YEATS4: variants seen among roughly 807,000 people sequenced by gnomAD.
YEATS4 encodes YEATS domain containing 4.
A neutral mutation model predicts 30.1 loss-of-function variants in YEATS4; 17 were observed. The ratio of observed to expected loss-of-function variants is 0.56; its 90% CI spans 0.39 to 0.85. The LOEUF is 0.85. Ranked by LOEUF, YEATS4 falls within the 40% of genes least tolerant of loss-of-function variation. The pLI, the probability that YEATS4 is intolerant of heterozygous loss-of-function variation, is 0.00. For synonymous variants in YEATS4, 85 were observed against 87.5 expected (o/e 0.97, Z 0.16); for missense variants, 142 against 268.3 (o/e 0.53, Z 3.29).
chr12:69,412,857 G>A, the YEATS4 span, among the ~76,000 whole-genome samples: 1 of 152,088 alleles, frequency 6.6e-6, no homozygotes, highest in Non-Finnish European at 1.5e-5. Context: ...GGGCCACCTG[G>A]AGGAGGTGAC....
intron 6 of YEATS4, among the ~76,000 whole-genome samples, chr12:69,371,480 T>C (rs1875636288): frequency 6.6e-6 from 1 of 152,266 alleles, no homozygotes. Flanking sequence ...TGACATGGTC[T>C]CAGAATTCTG....
chr12:69,389,256 C>T (rs1198699278), intron 6 of YEATS4, among the ~76,000 whole-genome samples: 3 of 151,878 alleles, frequency 2.0e-5, no homozygotes, highest in Non-Finnish European at 4.4e-5. Context: ...TCGCAGTCAG[C>T]CTGGGCAACA....
chr12:69,364,764 C>T (rs774562413), intron 2 of YEATS4, among the ~76,000 whole-genome samples: 3 of 151,982 alleles, frequency 2.0e-5, no homozygotes, highest in East Asian at 1.9e-4. Context: ...GGATTACAGG[C>T]GCCGCCACCA....
chr12:69,380,817 G>T (rs1876045941), intron 6 of YEATS4, among the ~76,000 whole-genome samples: 1 of 152,142 alleles, frequency 6.6e-6, no homozygotes, highest in Non-Finnish European at 1.5e-5. Flanking sequence ...GTGTCCAGGG[G>T]AGACATCACA....
At position 69,390,854 on chromosome 12, in the gene YEATS4, CAGTTA is replaced by C. The variant is rs1452643052; in HGVS notation, c.*540_*544del. 1 of 152,224 alleles carries C rather than the reference CAGTTA, an allele frequency of 6.6e-6. No individual in the cohort carries two copies. Among genetic ancestry groups the C allele is most frequent in the East Asian group, 1.9e-4 (1 of 5,202 alleles). The allele number at this position is 152,224 out of a possible 1,614,324, so 9.4% of individuals were successfully genotyped here. A position where few individuals can be genotyped will look rare whatever the true frequency, so the allele number is the denominator to read the frequency against. On this transcript the variant is annotated 3_prime_UTR_variant, in exon 7 of 7. Transcript: ENST00000247843. ...AAGACTTTCTGGAACTCCCTCAATACAGTTAAAGTATCTTTATAGTATTGTGACAT... is the reference window on the plus strand; with the variant it reads ...AAGACTTTCTGGAACTCCCTCAATACAAGTATCTTTATAGTATTGTGACAT...
intron 6 of YEATS4, among the ~76,000 whole-genome samples, chr12:69,382,467 G>A (rs893591785): frequency 1.6e-3 from 88 of 54,756 alleles, no homozygotes; most frequent in Non-Finnish European, 1.9e-3. Context: ...TTCTTTCCCT[G>A]TGTCCACCAC....
chr12:69,371,449 T>G (rs149078699), intron 6 of YEATS4, among the ~76,000 whole-genome samples: 83 of 152,364 alleles, frequency 5.4e-4, no homozygotes, highest in Non-Finnish European at 9.6e-4. Context: ...TAATCGGTCA[T>G]GTTGTATTTT....
At chr12:69,395,005 T>C (rs183635001), downstream of YEATS4, among the ~76,000 whole-genome samples, 6 of 152,268 alleles carry the variant, frequency 3.9e-5, no homozygotes, top group African/African-American at 1.4e-4. Context: ...AAAAAGACAG[T>C]GATAGCAAGT....
At chr12:69,367,204 C>A (rs1730933612) in intron 4 of YEATS4, among the ~76,000 whole-genome samples, 1 of 152,118 alleles carries the variant, frequency 6.6e-6, no homozygotes, top group Non-Finnish European at 1.5e-5. Context: ...CTTCCCTGAA[C>A]TTTTTACTGA....
intron 6 of YEATS4, among the ~76,000 whole-genome samples, chr12:69,386,990 C>A (rs1868259326): frequency 6.6e-6 from 1 of 152,100 alleles, no homozygotes; most frequent in Non-Finnish European, 1.5e-5. Flanking sequence ...AATGTGTGCT[C>A]TTTCCCCACC....
downstream of YEATS4, among the ~76,000 whole-genome samples, chr12:69,394,446 A>T (rs1868336620): frequency 1.3e-5 from 2 of 152,178 alleles, no homozygotes; most frequent in Admixed American, 1.3e-4. Flanking sequence ...AAAAATAACC[A>T]ATTTTATGCT....
chr12:69,402,169 GCCT>G, the YEATS4 span, among the ~76,000 whole-genome samples: 3 of 152,084 alleles, frequency 2.0e-5, no homozygotes, highest in Non-Finnish European at 2.9e-5. Flanking sequence ...CCACACCAGG[GCCT>G]AAGTCTAGTT....
the YEATS4 span, among the ~76,000 whole-genome samples, chr12:69,418,191 C>A: frequency 2.0e-5 from 3 of 152,188 alleles, no homozygotes; most frequent in Non-Finnish European, 4.4e-5. Flanking sequence ...CAAAATCTTT[C>A]ATTTCTGTAC....
chr12:69,360,151 G>A, intron 1 of YEATS4, 128 bp downstream of exon 1: 2 of 1,084,046 alleles, frequency 1.8e-6, no homozygotes, highest in Non-Finnish European at 1.3e-6. Context: ...GTGGTTTCAG[G>A]TTGGAGAGCG....
intron 6 of YEATS4, among the ~76,000 whole-genome samples, chr12:69,374,112 T>G (rs942020487): frequency 6.6e-6 from 1 of 151,164 alleles, no homozygotes; most frequent in Non-Finnish European, 1.5e-5. Context: ...CTGGATCTTT[T>G]GTGGTTCCAC....
At chr12:69,405,212 A>G in the YEATS4 span, among the ~76,000 whole-genome samples, 5 of 152,222 alleles carry the variant, frequency 3.3e-5, no homozygotes, top group Admixed American at 1.3e-4. Flanking sequence ...ATACATTCCT[A>G]GACACCCAGT....
At chr12:69,425,317 ATAT>A in the YEATS4 span, among the ~76,000 whole-genome samples, 2 of 152,326 alleles carry the variant, frequency 1.3e-5, no homozygotes, top group Admixed American at 1.3e-4. Flanking sequence ...AGACTGGCAA[ATAT>A]TAATAATAGG....
downstream of YEATS4, among the ~76,000 whole-genome samples, chr12:69,395,760 G>T (rs537149401): frequency 1.3e-5 from 2 of 152,272 alleles, no homozygotes; most frequent in African/African-American, 4.8e-5. Context: ...ACCTGTAAAT[G>T]ATGTAAGGGA....
chr12:69,367,011 G>A (rs1218416106), intron 4 of YEATS4, among the ~76,000 whole-genome samples: 1 of 152,140 alleles, frequency 6.6e-6, no homozygotes, highest in Non-Finnish European at 1.5e-5. Flanking sequence ...TGAGAATTGG[G>A]ACCCAATGAC....
Sources: gnomAD v4.1 joint callset for allele counts (sites outside exome capture counted in the v4.1 genomes callset) on GRCh38, gnomAD v4.1.1 for gene constraint, MANE v1.5 for transcripts, NCBI Gene and HGNC (gene_info 2026-07-23, HGNC 2026-07-21) for gene names.